Variants in ERICH3 observed in about 807,000 individuals in gnomAD.
The protein encoded by ERICH3 is glutamate rich 3, also known as glutamate-rich protein 3.
ERICH3 carries 126 observed loss-of-function variants against 131.1 expected under a neutral mutation model. The ratio of observed to expected loss-of-function variants is 0.96; its 90% CI spans 0.83 to 1.11. The LOEUF is 1.11. Ranked by LOEUF, ERICH3 falls within the 50% of genes most tolerant of loss-of-function variation. The pLI, the probability that ERICH3 is intolerant of heterozygous loss-of-function variation, is 0.00. For missense variants in ERICH3, 2,050 were observed against 1,810.7 expected (o/e 1.13, Z -2.40); for synonymous variants, 695 against 644.6 (o/e 1.08, Z -1.18).
At chr1:74,592,747 C>A (rs540821550) in intron 11 of ERICH3, among the ~76,000 whole-genome samples, 1 of 152,226 alleles carries the variant, frequency 6.6e-6, no homozygotes, top group East Asian at 1.9e-4. Flanking sequence ...ACCTCCCATA[C>A]AAACTCATTT....
intron 3 of ERICH3, among the ~76,000 whole-genome samples, chr1:74,646,239 A>G (rs1013933351): frequency 3.3e-5 from 5 of 152,110 alleles, no homozygotes; most frequent in Non-Finnish European, 5.9e-5. Flanking sequence ...GATCTGAAAT[A>G]ATTCATGGCA....
intron 8 of ERICH3, among the ~76,000 whole-genome samples, chr1:74,617,827 AT>A (rs367885609): frequency 2.5e-3 from 375 of 152,300 alleles, no homozygotes; most frequent in African/African-American, 8.6e-3. Context: ...CAATGAATAA[AT>A]TTTATGGCAT....
intron 4 of ERICH3, among the ~76,000 whole-genome samples, chr1:74,641,965 G>A (rs2100634915): frequency 6.6e-6 from 1 of 152,212 alleles, no homozygotes; most frequent in African/African-American, 2.4e-5. Flanking sequence ...TTCCTTTAGT[G>A]GGTCTGGCTA....
rs1192389128 is a variant in ERICH3 at position 74,597,651 on chromosome 1, T to A, written c.1726+2044A>T. ...CATGGCACTAACCGAAACATCTTCG[T>A]ATTATTGGTGTTAGCATTCAAGTAG... On this transcript the variant is annotated intron_variant, in intron 11 of 14. Transcript: ENST00000326665. Among the ~76,000 whole-genome samples the A allele has an allele frequency of 2.0e-5, 3 of 151,998 alleles. No individual in the cohort carries two copies. In the East Asian group the frequency reaches 5.8e-4, roughly 29 times the overall value.
At position 74,620,726 on chromosome 1, in the gene ERICH3, A is replaced by G. The variant is rs557967680; in HGVS notation, c.1000+8T>C. On this transcript the variant is annotated splice_region_variant and intron_variant, in intron 8 of 14. Transcript: ENST00000326665. ...AGCAATTAAAAAACATTCACATTTT[A>G]TGTGTACCTTTTTCAAGTAGTTTGC... 1 of 1,588,436 alleles carries G rather than the reference A, an allele frequency of 6.3e-7. No individual in the cohort carries two copies. Among genetic ancestry groups the G allele is most frequent in the East Asian group, 2.3e-5 (1 of 44,094 alleles).
chr1:74,584,738 T>A (rs1647254535), intron 12 of ERICH3, among the ~76,000 whole-genome samples: 1 of 152,178 alleles, frequency 6.6e-6, no homozygotes, highest in Non-Finnish European at 1.5e-5. Context: ...TCTCCTAGAA[T>A]ATAAAATTCA....
chr1:74,581,225 A>C (rs1033042454), intron 12 of ERICH3, among the ~76,000 whole-genome samples: 1 of 152,132 alleles, frequency 6.6e-6, no homozygotes, highest in Admixed American at 6.6e-5. Context: ...AAATAGTTGG[A>C]GTGATTTCCC....
At position 74,577,193 on chromosome 1, in the gene ERICH3, C is replaced by A. The variant is rs1647076230; in HGVS notation, c.2177-257G>T. On this transcript the variant is annotated intron_variant, in intron 12 of 14. Transcript: ENST00000326665. The stretch of plus-strand genomic sequence containing the variant: ...TTTATACCTGATGTTAGCTGTGAAG[C>A]TCTCCTTAGGGCCTGTCAACTACTT... 21 of 359,956 alleles carry A rather than the reference C, an allele frequency of 5.8e-5. 1 individual carries two copies. In the East Asian group the frequency reaches 9.4e-4, roughly 16 times the overall value. 22.3% of individuals were successfully genotyped at this position (359,956 alleles called of 1,614,324 possible).
chr1:74,592,420 C>T (rs998468953), intron 11 of ERICH3, among the ~76,000 whole-genome samples: 2 of 152,080 alleles, frequency 1.3e-5, no homozygotes, highest in Admixed American at 6.6e-5. Context: ...AAAAAAAGAA[C>T]ATCAGCTCTG....
At position 74,571,511 on chromosome 1, in the gene ERICH3, G is replaced by T; in HGVS notation, c.4199C>A (p.Ala1400Glu). The change falls in exon 14 of 15, where the codon GCA becomes GAA. Residue 1400 changes from alanine to glutamate, a missense_variant. Ala to Glu is a moderately radical substitution (Grantham distance 107). Coordinates refer to ENST00000326665, the MANE Select transcript of ERICH3 (RefSeq NM_001002912.5). ...TAATTCCTCTACCACCACCTTCCCT[G>T]CAGCTGCTGTTTTTCCTACTAACTC... ...QDELVGKTAA[A>E]GKVVVEELAR... 1 of 1,614,072 alleles carries T rather than the reference G, an allele frequency of 6.2e-7. No homozygotes were observed. The highest frequency in any genetic ancestry group is 8.5e-7 in the Non-Finnish European group (1 of 1,179,994).
intron 12 of ERICH3, among the ~76,000 whole-genome samples, chr1:74,585,767 T>C (rs145885162): frequency 6.6e-6 from 1 of 152,260 alleles, no homozygotes; most frequent in East Asian, 1.9e-4. Flanking sequence ...TATGTGTGCA[T>C]ATTTTGTGAT....
intron 12 of ERICH3, among the ~76,000 whole-genome samples, chr1:74,577,955 T>C (rs1475586309): frequency 2.0e-5 from 3 of 152,218 alleles, no homozygotes; most frequent in African/African-American, 7.2e-5. Flanking sequence ...ATTCACTCCA[T>C]GGGGACAGAA....
intron 1 of ERICH3, among the ~76,000 whole-genome samples, chr1:74,657,779 T>A (rs1646599339): frequency 6.6e-6 from 1 of 152,124 alleles, no homozygotes; most frequent in African/African-American, 2.4e-5. Context: ...CACACTAAGT[T>A]TGACCAGTTG....
chr1:74,598,207 C>T (rs1647946329), intron 11 of ERICH3, among the ~76,000 whole-genome samples: 1 of 151,728 alleles, frequency 6.6e-6, no homozygotes, highest in African/African-American at 2.4e-5. Context: ...TGTGAAAAAT[C>T]ATTGATTCAA....
intron 6 of ERICH3, among the ~76,000 whole-genome samples, chr1:74,632,244 T>C (rs2100624277): frequency 6.6e-6 from 1 of 152,210 alleles, no homozygotes; most frequent in South Asian, 2.1e-4. Context: ...AAGTTTGAAG[T>C]GTGCTTTAAA....
chr1:74,631,773 C>G lies in ERICH3; in HGVS notation c.759G>C (p.Trp253Cys), dbSNP rs899917968. The change falls in exon 7 of 15, where the codon TGG becomes TGC. Residue 253 changes from tryptophan (W) to cysteine (C), a missense_variant. Transcript: ENST00000326665. ...TGGTTGGACGAAATCTTCTCCTTCT[C>G]CATGTTTCAGATCTATTTTCTCTTG... ...KITRENRSET[W>C]RRRRFRPTTA... 6.2e-7 allele frequency: 1 copy of G among 1,613,440 alleles called. No individual in the cohort carries two copies. Among genetic ancestry groups the G allele is most frequent in the Non-Finnish European group, 8.5e-7 (1 of 1,179,690 alleles).
rs1646900615 is a variant in ERICH3, at chr1:74,568,697, G to A, written c.*1761C>T. 1 of 152,104 alleles carries A rather than the reference G, an allele frequency of 6.6e-6. No homozygotes were observed. The highest frequency in any genetic ancestry group is 2.1e-4 in the South Asian group (1 of 4,824). The allele number at this position is 152,104 out of a possible 1,614,324, so 9.4% of individuals were successfully genotyped here. ...TTTATATTGAGTGCCATTTACTAGA[G>A]AAAGAAAGACAGATAAATCAGAAGA... On this transcript the variant is annotated 3_prime_UTR_variant, in exon 15 of 15. Coordinates refer to ENST00000326665, the MANE Select transcript of ERICH3 (RefSeq NM_001002912.5).
chr1:74,571,043 G>A, intron 14 of ERICH3, 56 bp downstream of exon 14: 4 of 1,540,930 alleles, frequency 2.6e-6, no homozygotes, highest in Non-Finnish European at 3.5e-6. Context: ...CCAAGGGGAG[G>A]AGACCCACCG....
chr1:74,606,119 C>A (rs1648380896), intron 10 of ERICH3, among the ~76,000 whole-genome samples: 1 of 151,034 alleles, frequency 6.6e-6, no homozygotes, highest in South Asian at 2.1e-4. Flanking sequence ...AAGAAGAAAG[C>A]AAAAGAAAAA....
Sources: gnomAD v4.1 joint callset for allele counts (sites outside exome capture counted in the v4.1 genomes callset) on GRCh38, gnomAD v4.1.1 for gene constraint, MANE v1.5 for transcripts, NCBI Gene and HGNC (gene_info 2026-07-23, HGNC 2026-07-21) for gene names.